Variants in TMEM178B observed in about 807,000 individuals in gnomAD.
TMEM178B encodes transmembrane protein 178B.
TMEM178B carries 5 observed loss-of-function variants against 31.0 expected under a neutral mutation model. The ratio of observed to expected loss-of-function variants is 0.16; its 90% CI spans 0.08 to 0.34. TMEM178B has a LOEUF of 0.34. Ranked by LOEUF, TMEM178B falls within the 10% of genes least tolerant of loss-of-function variation. The probability of loss-of-function intolerance (pLI) is 1.00; values close to 1 mark genes in which losing one functional copy is unlikely to be tolerated. For synonymous variants in TMEM178B, 164 were observed against 164.0 expected (o/e 1.00, Z 0.00); for missense variants, 275 against 400.3 (o/e 0.69, Z 2.67).
At chr7:141,103,470 C>G (rs1795091217) in intron 1 of TMEM178B, among the ~76,000 whole-genome samples, 2 of 152,182 alleles carry the variant, frequency 1.3e-5, no homozygotes, top group Non-Finnish European at 2.9e-5. Flanking sequence ...GAGCACATAT[C>G]ATATTACACT....
rs750690762 is a variant in TMEM178B, at chr7:141,343,067, C to G, written c.497-94541C>G. ...CCCAGGGTTTCTGATTCACTAGGCC[C>G]GGGCTGAGGCCTGAGAAGGTTCATC... On this transcript the variant is annotated intron_variant, in intron 2 of 3. Coordinates refer to ENST00000565468, the MANE Select transcript of TMEM178B (RefSeq NM_001195278.2). Among the ~76,000 whole-genome samples, 3 of 152,270 alleles carry G rather than the reference C, an allele frequency of 2.0e-5. No homozygotes were observed. In the East Asian group the frequency reaches 5.8e-4, roughly 29 times the overall value.
intron 1 of TMEM178B, among the ~76,000 whole-genome samples, chr7:141,123,090 C>CT (rs1217357435): frequency 1.3e-5 from 2 of 152,210 alleles, no homozygotes; most frequent in African/African-American, 4.8e-5. Flanking sequence ...CCGTCTCTTG[C>CT]TTTAAGGCTC....
intron 3 of TMEM178B, among the ~76,000 whole-genome samples, chr7:141,447,813 C>T (rs1216036934): frequency 2.0e-5 from 3 of 151,896 alleles, no homozygotes; most frequent in Non-Finnish European, 2.9e-5. Flanking sequence ...TTTGTGGGGC[C>T]CAGTGCAGGA....
chr7:141,139,879 C>T (rs1795742833), intron 1 of TMEM178B, among the ~76,000 whole-genome samples: 1 of 151,844 alleles, frequency 6.6e-6, no homozygotes, highest in African/African-American at 2.4e-5. Flanking sequence ...GATTCTCCTG[C>T]CTCAGCCTCC....
At chr7:141,219,397 G>A (rs1281136572) in intron 2 of TMEM178B, among the ~76,000 whole-genome samples, 2 of 152,118 alleles carry the variant, frequency 1.3e-5, no homozygotes, top group Non-Finnish European at 2.9e-5. Context: ...TCCCACATTC[G>A]CATCGGTGCT....
chr7:141,389,023 C>T (rs1210661990), intron 2 of TMEM178B, among the ~76,000 whole-genome samples: 1 of 152,142 alleles, frequency 6.6e-6, no homozygotes, highest in African/African-American at 2.4e-5. Context: ...TTCCAAAGTC[C>T]AACCGAGTCT....
At chr7:141,426,373 A>C (rs1193819509) in intron 2 of TMEM178B, among the ~76,000 whole-genome samples, 1 of 152,256 alleles carries the variant, frequency 6.6e-6, no homozygotes, top group Admixed American at 6.5e-5. Context: ...TGAGAGGGAG[A>C]CATAAATAAT....
chr7:141,410,526 TTC>T (rs548949975), intron 2 of TMEM178B, among the ~76,000 whole-genome samples: 1 of 146,404 alleles, frequency 6.8e-6, no homozygotes, highest in Non-Finnish European at 1.5e-5. Flanking sequence ...CTTCCTTCCT[TTC>T]TCTCTCTCTC....
chr7:141,274,454 C>CT (rs1384251118), intron 2 of TMEM178B, among the ~76,000 whole-genome samples: 1 of 152,202 alleles, frequency 6.6e-6, no homozygotes, highest in Non-Finnish European at 1.5e-5. Context: ...TTCTGACTCT[C>CT]TATCATAAAT....
At chr7:141,315,225 C>T (rs1258018397) in intron 2 of TMEM178B, among the ~76,000 whole-genome samples, 2 of 152,360 alleles carry the variant, frequency 1.3e-5, no homozygotes, top group African/African-American at 4.8e-5. Context: ...ACTTCTGTTG[C>T]ACCTCTGTCA....
intron 2 of TMEM178B, among the ~76,000 whole-genome samples, chr7:141,295,993 T>C (rs1426462053): frequency 6.6e-6 from 1 of 152,114 alleles, no homozygotes. Flanking sequence ...TCTCTTCTAG[T>C]CGAGGTTTCC....
chr7:141,079,579 T>C (rs1387555163), intron 1 of TMEM178B, among the ~76,000 whole-genome samples: 1 of 152,230 alleles, frequency 6.6e-6, no homozygotes, highest in African/African-American at 2.4e-5. Context: ...GGCAGAAGGC[T>C]TTAGTTCATG....
intron 2 of TMEM178B, among the ~76,000 whole-genome samples, chr7:141,391,316 C>G (rs747831543): frequency 1.3e-5 from 2 of 152,074 alleles, no homozygotes; most frequent in Non-Finnish European, 2.9e-5. Context: ...CAGGTAGGCA[C>G]CACCACGCCC....
chr7:141,409,035 G>C (rs1455890659), intron 2 of TMEM178B, among the ~76,000 whole-genome samples: 1 of 152,210 alleles, frequency 6.6e-6, no homozygotes, highest in Non-Finnish European at 1.5e-5. Context: ...CGCCACTGAA[G>C]GTCTTGACTT....
At chr7:141,490,422 G>T in the TMEM178B span, among the ~76,000 whole-genome samples, 5 of 152,152 alleles carry the variant, frequency 3.3e-5, no homozygotes, top group Non-Finnish European at 7.3e-5. Context: ...GAACATAAAG[G>T]CAAAGGCCAG....
intron 1 of TMEM178B, among the ~76,000 whole-genome samples, chr7:141,174,615 C>T (rs1306205513): frequency 6.6e-6 from 1 of 152,202 alleles, no homozygotes; most frequent in Non-Finnish European, 1.5e-5. Context: ...ACCTCCCCTC[C>T]AGCATCTGTT....
intron 1 of TMEM178B, among the ~76,000 whole-genome samples, chr7:141,081,330 A>C (rs1044703211): frequency 5.3e-5 from 8 of 152,180 alleles, no homozygotes; most frequent in Non-Finnish European, 1.0e-4. Context: ...AAAAAAGCTT[A>C]TAGGATAAGG....
intron 1 of TMEM178B, among the ~76,000 whole-genome samples, chr7:141,185,050 G>A (rs1202615847): frequency 1.3e-5 from 2 of 152,130 alleles, no homozygotes; most frequent in African/African-American, 2.4e-5. Context: ...GTGCGATGGT[G>A]GTGTGGCTCA....
intron 1 of TMEM178B, among the ~76,000 whole-genome samples, chr7:141,169,251 T>C (rs985500526): frequency 6.6e-6 from 1 of 152,230 alleles, no homozygotes; most frequent in Admixed American, 6.5e-5. Flanking sequence ...TGTGTCCATG[T>C]ATTCTCATCA....
Sources: gnomAD v4.1 joint callset for allele counts (sites outside exome capture counted in the v4.1 genomes callset) on GRCh38, gnomAD v4.1.1 for gene constraint, MANE v1.5 for transcripts, NCBI Gene and HGNC (gene_info 2026-07-23, HGNC 2026-07-21) for gene names.